The following LAMC2 variants were observed in gnomAD, a reference collection of about 807,000 sequenced individuals.
The protein encoded by LAMC2 is laminin subunit gamma-2.
LAMC2 carries 97 observed loss-of-function variants against 140.2 expected under a neutral mutation model. The ratio of observed to expected loss-of-function variants is 0.69; its 90% confidence interval spans 0.59 to 0.82. The LOEUF is 0.82. Among genes scored for constraint, LAMC2 ranks in the 40% least tolerant of loss-of-function variants. LAMC2 has a pLI of 0.00. For missense variants in LAMC2, 1,402 were observed against 1,476.1 expected (o/e 0.95, Z 0.82); for synonymous variants, 513 against 540.2 (o/e 0.95, Z 0.70).
At chr1:183,204,629 C>T (rs1421914183) in intron 1 of LAMC2, among the ~76,000 whole-genome samples, 2 of 150,334 alleles carry the variant, frequency 1.3e-5, no homozygotes, top group African/African-American at 4.9e-5. Flanking sequence ...GAGATCCTGT[C>T]TCAATAAAAA....
downstream of LAMC2, among the ~76,000 whole-genome samples, chr1:183,245,421 C>A (rs1252237533): frequency 6.6e-6 from 1 of 152,184 alleles, no homozygotes; most frequent in Non-Finnish European, 1.5e-5. Context: ...TTCTACAGAT[C>A]TCTTGCTATA....
intron 1 of LAMC2, among the ~76,000 whole-genome samples, chr1:183,207,387 CT>C (rs10715347): frequency 0.34 from 51,409 of 151,822 alleles, 9,238 homozygotes; most frequent in East Asian, 0.42. Context: ...ACGTCCACTC[CT>C]TTGCCTTGAC....
Position 183,226,720 on chromosome 1 carries a change from G to A in LAMC2, c.1089G>A (p.Val363=), listed in dbSNP as rs776088907. ...CAGGTACTGGGTACATTGACAATGT[G>A]ACCCTGATTTCAGCCCGCCCTGTCT... ...GEYSTGYIDN[V]TLISARPVSG... Residue 363 remains valine (V), a synonymous_variant, in exon 9 of 23, where the codon GTG becomes GTA. Transcript: ENST00000264144. 3.1e-6 allele frequency: 5 copies of A among 1,614,130 alleles called. No homozygotes were observed. In the South Asian group the frequency reaches 5.5e-5, roughly 18 times the overall value.
chr1:183,226,869 G>A lies in LAMC2; in HGVS notation c.1238G>A (p.Cys413Tyr), dbSNP rs759059173. The A allele has an allele frequency of 1.2e-6, 2 of 1,614,182 alleles. No homozygotes were observed. The highest frequency in any genetic ancestry group is 1.7e-6 in the Non-Finnish European group (2 of 1,180,014). ...DSARLGPFGT[C>Y]IPCNCQGGGA... ...GCGAGACTGGGGCCTTTTGGCACCTGTATTCCTTGTAACTGTCAAGGGGGA... is the reference window on the plus strand; with the variant it reads ...GCGAGACTGGGGCCTTTTGGCACCTATATTCCTTGTAACTGTCAAGGGGGA... The change falls in exon 9 of 23, where the codon TGT (cysteine) becomes TAT (tyrosine). Residue 413 changes from cysteine to tyrosine, a missense_variant. Transcript: ENST00000264144.
chr1:183,241,507 G>A lies in LAMC2; in HGVS notation c.3328+1116G>A, dbSNP rs1235408925. ...ATTTTGGTTAAATTTCTGGATTTAG[G>A]TAGAGCTGATATCAAACCCTCATTT... On this transcript the variant is annotated intron_variant, in intron 22 of 22. Transcript: ENST00000264144. Among the ~76,000 whole-genome samples the A allele has an allele frequency of 3.3e-5, 5 of 152,166 alleles. No individual in the cohort carries two copies. The East Asian group carries it at 9.6e-4, about 29-fold the overall frequency.
At chr1:183,211,052 C>A (rs1571514328) in intron 2 of LAMC2, among the ~76,000 whole-genome samples, 1 of 152,232 alleles carries the variant, frequency 6.6e-6, no homozygotes, top group African/African-American at 2.4e-5. Flanking sequence ...CAAAAAAATG[C>A]TATCATTACA....
At chr1:183,255,668 T>G in the LAMC2 span, among the ~76,000 whole-genome samples, 2 of 140,060 alleles carry the variant, frequency 1.4e-5, no homozygotes, top group East Asian at 1.9e-4. Flanking sequence ...AAGGGTTTTT[T>G]TTTTTTTTTT....
At chr1:183,225,107 T>C (rs897320998) in intron 7 of LAMC2, among the ~76,000 whole-genome samples, 7 of 152,230 alleles carry the variant, frequency 4.6e-5, no homozygotes, top group Admixed American at 1.3e-4. Flanking sequence ...GCTGGTGATA[T>C]GTTACAGTGA....
At position 183,227,547 on chromosome 1, in the gene LAMC2, A is replaced by C. The variant is rs147889360; in HGVS notation, c.1318A>C (p.Ile440Leu). 2.5e-6 allele frequency: 4 copies of C among 1,614,036 alleles called. No homozygotes were observed. In the African/African-American group the frequency reaches 5.3e-5, roughly 22 times the overall value. Residue 440 changes from isoleucine (I) to leucine (L), a missense_variant, in exon 10 of 23, where the codon ATT (isoleucine) becomes CTT (leucine). Transcript: ENST00000264144. ...TTATTCAGGGGATGAGAATCCTGAC[A>C]TTGAGTGTGCTGACTGCCCAATTGG... ...DCYSGDENPD[I>L]ECADCPIGFY...
At chr1:183,246,684 G>A (rs1660249745), downstream of LAMC2, among the ~76,000 whole-genome samples, 1 of 152,210 alleles carries the variant, frequency 6.6e-6, no homozygotes, top group Non-Finnish European at 1.5e-5. Flanking sequence ...CTGGAGAAAA[G>A]GATAAGAAGA....
In LAMC2 at chr1:183,227,544, G is replaced by C. The variant is rs1211634914; in HGVS notation, c.1315G>C (p.Asp439His). Residue 439 changes from aspartate (D) to histidine (H), a missense_variant, in exon 10 of 23, where the codon GAC becomes CAC. Physicochemically the swap from Asp to His is moderately conservative, Grantham distance 81. Transcript: ENST00000264144. ...GDCYSGDENP[D>H]IECADCPIGF... ...TTGTTATTCAGGGGATGAGAATCCT[G>C]ACATTGAGTGTGCTGACTGCCCAAT... 1 of 1,614,144 alleles carries C rather than the reference G, an allele frequency of 6.2e-7. No individual in the cohort carries two copies.
chr1:183,250,577 C>T, the LAMC2 span: 1 of 152,530 alleles, frequency 6.6e-6, no homozygotes, highest in African/African-American at 2.4e-5. Flanking sequence ...CTTGTCAGGC[C>T]CTACACCTGC....
At chr1:183,243,084 G>A (rs779631641) in intron 22 of LAMC2, 63 bp from the exon 23 acceptor site, 15 of 1,589,586 alleles carry the variant, frequency 9.4e-6, no homozygotes, top group Admixed American at 1.7e-5. Context: ...GAAGGGCACG[G>A]GTGTTCAAGG....
chr1:183,193,580 C>T (rs1008923127), intron 1 of LAMC2, among the ~76,000 whole-genome samples: 2 of 152,088 alleles, frequency 1.3e-5, no homozygotes, highest in Admixed American at 1.3e-4. Flanking sequence ...GTAGGGGATT[C>T]CTAGTGTTTA....
intron 1 of LAMC2, among the ~76,000 whole-genome samples, chr1:183,199,302 C>T (rs989508363): frequency 2.0e-5 from 3 of 151,930 alleles, no homozygotes; most frequent in Non-Finnish European, 2.9e-5. Context: ...TGGGGTTTCA[C>T]TATGTTGGCC....
chr1:183,240,092 C>A lies in LAMC2; in HGVS notation c.3122C>A (p.Ala1041Asp), dbSNP rs1660084424. 1 of 1,613,992 alleles carries A rather than the reference C, an allele frequency of 6.2e-7. No individual in the cohort carries two copies. Residue 1041 changes from alanine to aspartate, a missense_variant, in exon 21 of 23, where the codon GCC (alanine) becomes GAC (aspartate). Physicochemically the swap from Ala to Asp is moderately radical, Grantham distance 126 (BLOSUM62 -2). Transcript: ENST00000264144. ...AATGTGACAGCAGATGGAGCCTTGG[C>A]CATGGAAAAGGGACTGGCCTCTCTG... Reference protein sequence around the residue: ...EANVTADGALAMEKGLASLKS... With the variant: ...EANVTADGALDMEKGLASLKS...
chr1:183,218,535 C>A, intron 4 of LAMC2, 47 bp downstream of exon 4: 3 of 1,351,700 alleles, frequency 2.2e-6, no homozygotes, highest in Non-Finnish European at 3.2e-6. Context: ...AGTCCCTTGC[C>A]AACTAGCATG....
At chr1:183,202,285 T>A (rs1027951391) in intron 1 of LAMC2, among the ~76,000 whole-genome samples, 1 of 151,530 alleles carries the variant, frequency 6.6e-6, no homozygotes, top group African/African-American at 2.4e-5. Flanking sequence ...TTCTTTGAAA[T>A]GTTACTGGCT....
Position 183,207,835 on chromosome 1 carries a change from GTTTTTTTT to G in LAMC2, c.80-38_80-31del, listed in dbSNP as rs10668798. 3 of 1,185,934 alleles carry G rather than the reference GTTTTTTTT, an allele frequency of 2.5e-6. No individual in the cohort carries two copies. In the African/African-American group the frequency reaches 5.0e-5, roughly 20 times the overall value. The allele number at this position is 1,185,934 out of a possible 1,614,324, so 73.5% of individuals were successfully genotyped here. ...CACCTGCTAGAACAGTTCCTGAGGT[GTTTTTTTT>G]TTTTTTTGACGATCTCTTTTGTATG... On this transcript the variant is annotated intron_variant, in intron 1 of 22. Transcript: ENST00000264144.
Sources: gnomAD v4.1 joint callset for allele counts (sites outside exome capture counted in the v4.1 genomes callset) on GRCh38, gnomAD v4.1.1 for gene constraint, MANE v1.5 for transcripts, NCBI Gene and HGNC (gene_info 2026-07-23, HGNC 2026-07-21) for gene names.